The following COMMD1 variants were observed in gnomAD, a reference collection of about 807,000 sequenced individuals.
COMMD1 encodes the protein COMM domain-containing protein 1.
A neutral mutation model predicts 17.2 loss-of-function variants in COMMD1; 10 were observed. That is an observed-to-expected ratio of 0.58 (90% CI 0.36 to 0.99). The LOEUF (loss-of-function observed/expected upper bound fraction) is 0.99. Ranked by LOEUF, COMMD1 falls within the 50% of genes least tolerant of loss-of-function variation. COMMD1 has a pLI of 0.01. For missense variants in COMMD1, 270 were observed against 231.8 expected, an observed-to-expected ratio of 1.17 and a Z score of -1.07; for synonymous variants, 97 against 91.6, an observed-to-expected ratio of 1.06 and a Z score of -0.34.
At chr2:61,972,928 C>T (rs931202449) in intron 1 of COMMD1, among the ~76,000 whole-genome samples, 4 of 152,112 alleles carry the variant, frequency 2.6e-5, no homozygotes, top group Non-Finnish European at 5.9e-5. Flanking sequence ...GCTTCGGCCA[C>T]CCAAAGTGTT....
At chr2:62,126,831 A>G (rs1485457587) in intron 2 of COMMD1, among the ~76,000 whole-genome samples, 3 of 152,124 alleles carry the variant, frequency 2.0e-5, no homozygotes, top group Non-Finnish European at 4.4e-5. Flanking sequence ...GACAGGGATG[A>G]CCTCTCCCAC....
chr2:61,976,784 T>A (rs1671814287), intron 1 of COMMD1, among the ~76,000 whole-genome samples: 2 of 152,102 alleles, frequency 1.3e-5, no homozygotes, highest in Non-Finnish European at 2.9e-5. Flanking sequence ...TAATGATATG[T>A]CATTATTGGT....
chr2:62,062,175 G>A (rs1234991824), intron 2 of COMMD1, among the ~76,000 whole-genome samples: 1 of 151,588 alleles, frequency 6.6e-6, no homozygotes, highest in African/African-American at 2.4e-5. Context: ...GACGCCAATT[G>A]TAACTCCTAA....
chr2:61,934,353 G>C (rs763667462), intron 1 of COMMD1, among the ~76,000 whole-genome samples: 1 of 152,134 alleles, frequency 6.6e-6, no homozygotes, highest in African/African-American at 2.4e-5. Flanking sequence ...AACTCATTTA[G>C]AGCCTTGAAT....
chr2:61,971,407 T>C (rs987963329), intron 1 of COMMD1, among the ~76,000 whole-genome samples: 1 of 152,012 alleles, frequency 6.6e-6, no homozygotes, highest in Non-Finnish European at 1.5e-5. Flanking sequence ...ATGGGAAGGG[T>C]GTCTGTAATG....
chr2:61,970,909 G>GT (rs939331226), intron 1 of COMMD1, among the ~76,000 whole-genome samples: 6 of 151,680 alleles, frequency 4.0e-5, no homozygotes, highest in Non-Finnish European at 5.9e-5. Context: ...CCCAGTATTT[G>GT]TTTTTTTTGT....
At chr2:62,120,958 G>A (rs1464441082) in intron 2 of COMMD1, among the ~76,000 whole-genome samples, 1 of 150,784 alleles carries the variant, frequency 6.6e-6, no homozygotes, top group Non-Finnish European at 1.5e-5. Flanking sequence ...TGCCCAGGCT[G>A]GTTGTGAACT....
intron 1 of COMMD1, among the ~76,000 whole-genome samples, chr2:61,933,772 C>CTTTTCTT (rs146805487): frequency 6.7e-6 from 1 of 148,586 alleles, no homozygotes; most frequent in Non-Finnish European, 1.5e-5. Context: ...TTCTTTTTTT[C>CTTTTCTT]TTTTTTTTGA....
At chr2:62,074,098 G>C (rs1440813058) in intron 2 of COMMD1, among the ~76,000 whole-genome samples, 1 of 152,140 alleles carries the variant, frequency 6.6e-6, no homozygotes, top group Admixed American at 6.5e-5. Context: ...AAGTCTAGAA[G>C]GATTCCACAG....
chr2:61,924,242 T>C (rs910843901), intron 1 of COMMD1, among the ~76,000 whole-genome samples: 1 of 152,108 alleles, frequency 6.6e-6, no homozygotes. Flanking sequence ...CTGATTTCCT[T>C]AGCCAACTAT....
At chr2:61,959,527 A>G (rs961898354) in intron 1 of COMMD1, among the ~76,000 whole-genome samples, 5 of 152,342 alleles carry the variant, frequency 3.3e-5, no homozygotes, top group Admixed American at 1.3e-4. Flanking sequence ...ACTACTAGCT[A>G]GATATTTCCC....
At position 62,136,048 on chromosome 2, in the gene COMMD1, C is replaced by T. The variant is rs1191817409; in HGVS notation, c.*107C>T. 4 of 711,926 alleles carry T rather than the reference C, an allele frequency of 5.6e-6. No individual in the cohort carries two copies. The highest frequency in any genetic ancestry group is 1.5e-5 in the South Asian group (1 of 68,698). 44.1% of individuals were successfully genotyped at this position (711,926 alleles called of 1,614,324 possible). On this transcript the variant is annotated 3_prime_UTR_variant, in exon 3 of 3. Transcript: ENST00000311832. ...TGTGCCCGCATTGGTATTAAATCCT[C>T]GCATTCAGTCTTCCTGCCTCTACTT... is the stretch of plus-strand genomic sequence containing the variant.
rs187334612 is a variant in COMMD1 at position 62,086,803 on chromosome 2, A to G, written c.463-49028A>G. On this transcript the variant is annotated intron_variant, in intron 2 of 2. Coordinates refer to ENST00000311832, the MANE Select transcript of COMMD1 (RefSeq NM_152516.4). ...TACTGTTAACTCTTTAATAAAGACA[A>G]TTTCTATATGCAAAACAGCAATATA... Among the ~76,000 whole-genome samples, 16 of 152,016 alleles carry G rather than the reference A, an allele frequency of 1.1e-4. No individual in the cohort carries two copies. The East Asian group carries it at 1.7e-3, about 17-fold the overall frequency.
intron 2 of COMMD1, among the ~76,000 whole-genome samples, chr2:62,055,620 G>A (rs905329617): frequency 1.2e-4 from 18 of 152,206 alleles, no homozygotes; most frequent in Non-Finnish European, 2.5e-4. Context: ...AAGAACAGAA[G>A]CAATTATTGA....
intron 2 of COMMD1, among the ~76,000 whole-genome samples, chr2:62,061,922 T>C (rs1053996297): frequency 2.0e-5 from 3 of 150,932 alleles, no homozygotes; most frequent in African/African-American, 7.3e-5. Context: ...TGGAACTATG[T>C]GCTACATAAA....
chr2:61,934,617 A>G (rs557915083), intron 1 of COMMD1, among the ~76,000 whole-genome samples: 4 of 152,198 alleles, frequency 2.6e-5, no homozygotes, highest in African/African-American at 7.2e-5. Context: ...AAAAATTTCA[A>G]TTAATTCAAT....
chr2:61,969,014 A>G, intron 1 of COMMD1: 1 of 441,096 alleles, frequency 2.3e-6, no homozygotes, highest in Non-Finnish European at 4.5e-6. Context: ...ATGGGTATTC[A>G]TAGGCACAAT....
chr2:62,098,153 CCTTT>C (rs1052872429), intron 2 of COMMD1, among the ~76,000 whole-genome samples: 11 of 148,638 alleles, frequency 7.4e-5, no homozygotes, highest in Non-Finnish European at 1.0e-4. Context: ...TGTTTCCTTT[CCTTT>C]CTTTCTTTTT....
At chr2:61,896,656 A>G (rs1169114119) in intron 1 of COMMD1, among the ~76,000 whole-genome samples, 3 of 152,164 alleles carry the variant, frequency 2.0e-5, no homozygotes, top group Admixed American at 1.3e-4. Flanking sequence ...GTAGTTGAGA[A>G]CACACCACCC....
Sources: gnomAD v4.1 joint callset for allele counts (sites outside exome capture counted in the v4.1 genomes callset) on GRCh38, gnomAD v4.1.1 for gene constraint, MANE v1.5 for transcripts, NCBI Gene and HGNC (gene_info 2026-07-23, HGNC 2026-07-21) for gene names.